TNNT3: variants seen among roughly 807,000 people sequenced by gnomAD.
TNNT3 encodes troponin T, fast skeletal muscle.
Under a neutral mutation model 54.2 loss-of-function variants are expected in TNNT3, and 36 were observed. The ratio of observed to expected loss-of-function variants is 0.66; its 90% confidence interval spans 0.51 to 0.88. The LOEUF (loss-of-function observed/expected upper bound fraction) is 0.88. TNNT3 is among the 40% of genes least tolerant of loss of function. The probability of loss-of-function intolerance (pLI) is 0.00; values close to 1 mark genes in which losing one functional copy is unlikely to be tolerated. For missense variants in TNNT3, 291 were observed against 331.6 expected (o/e 0.88, Z 0.95); for synonymous variants, 120 against 109.7 (o/e 1.09, Z -0.59).
At chr11:1,932,846 A>ATCCT (rs1398301138) in intron 9 of TNNT3, among the ~76,000 whole-genome samples, 3 of 147,790 alleles carry the variant, frequency 2.0e-5, no homozygotes, top group African/African-American at 7.6e-5. Context: ...CCACCTACCC[A>ATCCT]TCCATCCATC....
At chr11:1,933,897 A>G (rs1457293459) in intron 10 of TNNT3, 34 bp from the exon 11 acceptor site, 1 of 1,612,444 alleles carries the variant, frequency 6.2e-7, no homozygotes, top group Non-Finnish European at 8.5e-7. Context: ...GGAGCCGGGG[A>G]CAGGGCTGAG....
intron 14 of TNNT3, chr11:1,936,307 G>T (rs1181421401): frequency 1.3e-6 from 2 of 1,595,128 alleles, no homozygotes; most frequent in Non-Finnish European, 1.7e-6. Flanking sequence ...GTTGCACGGT[G>T]AGGTGAACCT....
intron 4 of TNNT3, 141 bp from the exon 5 acceptor site, chr11:1,924,958 C>T (rs1851117613): frequency 1.1e-6 from 1 of 888,508 alleles, no homozygotes; most frequent in South Asian, 1.4e-5. Flanking sequence ...ATCTTTCACC[C>T]CTGCCAAGCG....
At position 1,932,579 on chromosome 11, in the gene TNNT3, G is replaced by T. The variant is rs148220611; in HGVS notation, c.171+65G>T. 1.1e-4 allele frequency: 169 copies of T among 1,530,936 alleles called. No homozygotes were observed. The East Asian group carries it at 3.3e-3, about 30-fold the overall frequency. 94.8% of individuals were successfully genotyped at this position (1,530,936 alleles called of 1,614,324 possible). A position where few individuals can be genotyped will look rare whatever the true frequency, so the allele number is the denominator to read the frequency against. On this transcript the variant is annotated intron_variant, in intron 9 of 15. Transcript: ENST00000278317. ...CCCACACCCCAGCTTTTGGGCTCTA[G>T]GCCTCAGAAGGTCACTTCCTCCCAA...
rs1262897257 is a variant in TNNT3 at position 1,919,777 on chromosome 11, G to A, written c.-19+15G>A. The stretch of plus-strand genomic sequence containing the variant: ...TCGACCCGCAGGTGGGTATAGGCAG[G>A]AGCGGCCACCCAGGACTGGGGCCGA... On this transcript the variant is annotated intron_variant, in intron 1 of 15. Coordinates refer to ENST00000278317, the MANE Select transcript of TNNT3 (RefSeq NM_006757.4). 2 of 152,376 alleles carry A rather than the reference G, an allele frequency of 1.3e-5. No homozygotes were observed. Among genetic ancestry groups the A allele is most frequent in the African/African-American group, 2.4e-5 (1 of 41,574 alleles). The allele number at this position is 152,376 out of a possible 1,614,324, so 9.4% of individuals were successfully genotyped here.
chr11:1,926,604 G>C, intron 5 of TNNT3, 91 bp from the exon 6 acceptor site: 1 of 1,608,814 alleles, frequency 6.2e-7, no homozygotes, highest in Non-Finnish European at 8.5e-7. Flanking sequence ...CGCCGCCTCG[G>C]CCCTGCCCGC....
intron 13 of TNNT3, 39 bp from the exon 14 acceptor site, chr11:1,934,790 G>C: frequency 1.2e-6 from 2 of 1,608,780 alleles, no homozygotes; most frequent in Non-Finnish European, 1.7e-6. Flanking sequence ...CTGCCTTTGG[G>C]GCTTATTCAA....
At chr11:1,920,340 G>C (rs1266427782) in intron 1 of TNNT3, among the ~76,000 whole-genome samples, 5 of 152,208 alleles carry the variant, frequency 3.3e-5, no homozygotes, top group Non-Finnish European at 5.9e-5. Context: ...AGCCTTGGGG[G>C]CCAGCGTCTG....
intron 14 of TNNT3, chr11:1,935,472 G>C (rs1188465694): frequency 2.0e-5 from 4 of 195,688 alleles, no homozygotes; most frequent in Admixed American, 1.1e-4. Flanking sequence ...GGACGGAGCA[G>C]AGCCACCATC....
At chr11:1,923,701 C>T (rs1850729302) in intron 4 of TNNT3, 129 bp downstream of exon 4, 2 of 710,812 alleles carry the variant, frequency 2.8e-6, no homozygotes, top group South Asian at 2.9e-5. Flanking sequence ...AATCAACCTT[C>T]CATCTTCCTC....
At chr11:1,922,651 C>T (rs376172763) in intron 1 of TNNT3, 93 of 615,574 alleles carry the variant, frequency 1.5e-4, no homozygotes, top group Middle Eastern at 4.0e-4. Flanking sequence ...GAGTCTGGGG[C>T]GCCAAGAGCT....
At position 1,933,750 on chromosome 11, in the gene TNNT3, C is replaced by T. The variant is rs1186774216; in HGVS notation, c.201C>T (p.Asp67=). 2 of 1,612,934 alleles carry T rather than the reference C, an allele frequency of 1.2e-6. No individual in the cohort carries two copies. The highest frequency in any genetic ancestry group is 1.6e-4 in the Middle Eastern group (1 of 6,084). The change falls in exon 10 of 16, where the codon GAC becomes GAT. Residue 67 remains aspartate, a synonymous_variant. Transcript: ENST00000278317. ...TCCAGAAGAAGCGTCAGAACAAAGA[C>T]CTAATGGAGCTCCAGGCCCTCATCG... ...DDIQKKRQNK[D]LMELQALIDS...
At position 1,938,602 on chromosome 11, in the gene TNNT3, G is replaced by A. The variant is rs10760; in HGVS notation, c.*110G>A. Reference sequence around the variant, plus strand: ...CCCACAATCCTGTCAGGGGCTCCCTGACAGTCCTGGGGGTGGAGAGGCCAT... The same window carrying A: ...CCCACAATCCTGTCAGGGGCTCCCTAACAGTCCTGGGGGTGGAGAGGCCAT... On this transcript the variant is annotated 3_prime_UTR_variant, in exon 16 of 16. Transcript: ENST00000278317. The A allele has an allele frequency of 2.5e-6, 3 of 1,203,074 alleles. No homozygotes were observed. Among genetic ancestry groups the A allele is most frequent in the Admixed American group, 1.9e-5 (1 of 51,516 alleles). 74.5% of individuals were successfully genotyped at this position (1,203,074 alleles called of 1,614,324 possible). A position where few individuals can be genotyped will look rare whatever the true frequency, so the allele number is the denominator to read the frequency against.
chr11:1,932,577 T>G, intron 9 of TNNT3, 63 bp downstream of exon 9: 1 of 1,560,100 alleles, frequency 6.4e-7, no homozygotes, highest in Non-Finnish European at 8.8e-7. Context: ...TTTTGGGCTC[T>G]AGGCCTCAGA....
At chr11:1,932,319 G>A (rs1233537959) in intron 8 of TNNT3, 150 bp from the exon 9 acceptor site, 3 of 790,870 alleles carry the variant, frequency 3.8e-6, no homozygotes, top group Non-Finnish European at 6.8e-6. Flanking sequence ...ATAAAGCTGG[G>A]GCAAACGTGT....
At chr11:1,931,408 C>T (rs942362923) in intron 8 of TNNT3, among the ~76,000 whole-genome samples, 8 of 152,224 alleles carry the variant, frequency 5.3e-5, no homozygotes, top group Non-Finnish European at 7.3e-5. Flanking sequence ...GGGATGTGAG[C>T]GGGTCTGTGT....
chr11:1,938,086 GCA>G (rs947008967), intron 15 of TNNT3: 3 of 356,328 alleles, frequency 8.4e-6, no homozygotes, highest in Non-Finnish European at 1.6e-5. Context: ...GTCTGGAGGG[GCA>G]TGAGCTCTTT....
intron 5 of TNNT3, chr11:1,926,388 T>C (rs1851588089): frequency 6.3e-7 from 1 of 1,576,036 alleles, no homozygotes; most frequent in African/African-American, 1.3e-5. Context: ...CGACGGGCTT[T>C]TCCATTAACC....
At chr11:1,928,536 G>C (rs1852289129) in intron 6 of TNNT3, among the ~76,000 whole-genome samples, 1 of 152,168 alleles carries the variant, frequency 6.6e-6, no homozygotes, top group Non-Finnish European at 1.5e-5. Context: ...GGCTGTGGTG[G>C]ACATTCCGGA....
Sources: gnomAD v4.1 joint callset for allele counts (sites outside exome capture counted in the v4.1 genomes callset) on GRCh38, gnomAD v4.1.1 for gene constraint, MANE v1.5 for transcripts, NCBI Gene and HGNC (gene_info 2026-07-23, HGNC 2026-07-21) for gene names.